UBXN2A: variants seen among roughly 807,000 people sequenced by gnomAD.
UBXN2A encodes the protein UBX domain-containing protein 2A.
A neutral mutation model predicts 28.4 loss-of-function variants in UBXN2A; 28 were observed. The ratio of observed to expected loss-of-function variants is 0.99; its 90% CI spans 0.73 to 1.35. The LOEUF is 1.35. Among genes scored for constraint, UBXN2A ranks in the 40% most tolerant of loss-of-function variants. The pLI is 0.00. For missense variants in UBXN2A, 253 were observed against 297.9 expected (o/e 0.85, Z 1.11); for synonymous variants, 97 against 103.6 (o/e 0.94, Z 0.39).
At chr2:23,960,512 TCA>T (rs1706854207) in intron 2 of UBXN2A, among the ~76,000 whole-genome samples, 1 of 152,196 alleles carries the variant, frequency 6.6e-6, no homozygotes, top group Admixed American at 6.5e-5. Flanking sequence ...TTTAGTACAT[TCA>T]CAGATTTTTG....
At chr2:23,979,210 A>G (rs1419253272) in intron 4 of UBXN2A, among the ~76,000 whole-genome samples, 1 of 150,624 alleles carries the variant, frequency 6.6e-6, no homozygotes, top group Non-Finnish European at 1.5e-5. Context: ...CGGGCATGGT[A>G]GCAGGCGCCT....
At chr2:23,938,072 G>A (rs1705581945), upstream of UBXN2A, among the ~76,000 whole-genome samples, 1 of 152,148 alleles carries the variant, frequency 6.6e-6, no homozygotes, top group African/African-American at 2.4e-5. Flanking sequence ...TGGACCGAAA[G>A]GTTGTTATGT....
At position 24,001,973 on chromosome 2, in the gene UBXN2A, T is replaced by C. The variant is rs1166142372; in HGVS notation, c.*2106T>C. On this transcript the variant is annotated 3_prime_UTR_variant, in exon 7 of 7. Transcript: ENST00000309033. Reference sequence around the variant, plus strand: ...AGACTCTTTCTCAAAAAAAAAAAATTATTCATTTAAAAATAACTTCTGGCT... The same window carrying C: ...AGACTCTTTCTCAAAAAAAAAAAATCATTCATTTAAAAATAACTTCTGGCT... 6.7e-6 allele frequency: 1 copy of C among 150,282 alleles called. No individual in the cohort carries two copies. The highest frequency in any genetic ancestry group is 1.5e-5 in the Non-Finnish European group (1 of 67,662). 9.3% of individuals were successfully genotyped at this position (150,282 alleles called of 1,614,324 possible).
chr2:23,953,696 A>G (rs772307895), intron 1 of UBXN2A, among the ~76,000 whole-genome samples: 3 of 152,170 alleles, frequency 2.0e-5, no homozygotes, highest in South Asian at 2.1e-4. Context: ...TTTCTCCCTC[A>G]TAATATATGT....
chr2:23,936,344 G>A (rs1428375056), upstream of UBXN2A, among the ~76,000 whole-genome samples: 6 of 151,722 alleles, frequency 4.0e-5, no homozygotes, highest in Admixed American at 1.3e-4. Context: ...GAAATAAGCC[G>A]GACAAAAAAG....
In UBXN2A at chr2:24,003,711, A is replaced by G. The variant is rs1299133426; in HGVS notation, c.*3844A>G. Reference sequence around the variant, plus strand: ...AGAGCCTCTCTGTAGTGAAACAAAAATAATGTTCTTACCAAAAAAAAAAAA... The same window carrying G: ...AGAGCCTCTCTGTAGTGAAACAAAAGTAATGTTCTTACCAAAAAAAAAAAA... On this transcript the variant is annotated 3_prime_UTR_variant, in exon 7 of 7. Coordinates refer to ENST00000309033, the MANE Select transcript of UBXN2A (RefSeq NM_181713.4). The G allele has an allele frequency of 2.2e-5, 3 of 134,698 alleles. No homozygotes were observed. The East Asian group carries it at 7.1e-4, about 32-fold the overall frequency. 8.3% of individuals were successfully genotyped at this position (134,698 alleles called of 1,614,324 possible). A position where few individuals can be genotyped will look rare whatever the true frequency, so the allele number is the denominator to read the frequency against.
chr2:23,958,180 C>CT, intron 1 of UBXN2A, 121 bp from the exon 2 acceptor site: 1 of 571,846 alleles, frequency 1.7e-6, no homozygotes, highest in East Asian at 3.1e-5. Flanking sequence ...AAAATGACAG[C>CT]TTTGAGTTTG....
At chr2:23,936,562 A>C (rs1705535083), upstream of UBXN2A, among the ~76,000 whole-genome samples, 2 of 151,748 alleles carry the variant, frequency 1.3e-5, no homozygotes, top group South Asian at 2.1e-4. Flanking sequence ...AAAAAGAGAG[A>C]AAGAAAGTAG....
rs1438638819 is a variant in UBXN2A, at chr2:23,984,693, C to T, written c.446C>T (p.Ser149Phe). 1 of 1,537,530 alleles carries T rather than the reference C, an allele frequency of 6.5e-7. No individual in the cohort carries two copies. Among genetic ancestry groups the T allele is most frequent in the East Asian group, 2.4e-5 (1 of 40,976 alleles). The change falls in exon 6 of 7, where the codon TCT becomes TTT. Residue 149 changes from serine (S) to phenylalanine (F), a missense_variant. Transcript: ENST00000309033. ...RLGSATPKIV[S>F]KAKNIEVENK... ...CTTAGTGCCACACCAAAAATTGTTT[C>T]TAAAGCAAAGAATATTGAAGTTGAA...
chr2:23,962,041 C>T (rs911965664), intron 2 of UBXN2A, among the ~76,000 whole-genome samples: 3 of 152,064 alleles, frequency 2.0e-5, no homozygotes, highest in African/African-American at 4.8e-5. Context: ...GATGGGGTTT[C>T]ACCATGTTGT....
In UBXN2A at chr2:24,000,797, T is replaced by G. The variant is rs577667636; in HGVS notation, c.*930T>G. ...CTCACATTTCTACACTTTATAAAAA[T>G]GTAATAAAAGAAAATTATCTTTCTA... is the stretch of plus-strand genomic sequence containing the variant. On this transcript the variant is annotated 3_prime_UTR_variant, in exon 7 of 7. Coordinates refer to ENST00000309033, the MANE Select transcript of UBXN2A (RefSeq NM_181713.4). 6.6e-6 allele frequency: 1 copy of G among 152,278 alleles called. No individual in the cohort carries two copies. The highest frequency in any genetic ancestry group is 2.1e-4 in the South Asian group (1 of 4,822). 9.4% of individuals were successfully genotyped at this position (152,278 alleles called of 1,614,324 possible). A position where few individuals can be genotyped will look rare whatever the true frequency, so the allele number is the denominator to read the frequency against.
At chr2:23,934,580 T>C (rs909308916) in intron 1 of UBXN2A, among the ~76,000 whole-genome samples, 14 of 152,166 alleles carry the variant, frequency 9.2e-5, no homozygotes, top group African/African-American at 3.4e-4. Context: ...TCTATGTGAA[T>C]TCAAAAAGCA....
chr2:23,949,081 C>T (rs1706232828), intron 1 of UBXN2A, among the ~76,000 whole-genome samples: 1 of 150,482 alleles, frequency 6.6e-6, no homozygotes, highest in South Asian at 2.1e-4. Flanking sequence ...GCTGGGACTA[C>T]AGGCGTGTGC....
At chr2:23,982,226 G>T (rs1030437738) in intron 4 of UBXN2A, among the ~76,000 whole-genome samples, 4 of 151,672 alleles carry the variant, frequency 2.6e-5, no homozygotes, top group Non-Finnish European at 4.4e-5. Flanking sequence ...AATTAACTGG[G>T]CGTGGTGGCA....
chr2:23,933,502 A>G (rs1705438029), intron 1 of UBXN2A, among the ~76,000 whole-genome samples: 1 of 151,962 alleles, frequency 6.6e-6, no homozygotes, highest in Non-Finnish European at 1.5e-5. Flanking sequence ...GCAAAACTCT[A>G]TCTCAAATAA....
intron 6 of UBXN2A, among the ~76,000 whole-genome samples, chr2:23,990,067 T>C (rs1241066073): frequency 6.6e-6 from 1 of 152,130 alleles, no homozygotes; most frequent in East Asian, 1.9e-4. Context: ...CTACCCCACA[T>C]GTAAGCCTTC....
intron 2 of UBXN2A, among the ~76,000 whole-genome samples, chr2:23,966,338 G>A (rs184604612): frequency 1.3e-5 from 2 of 151,842 alleles, no homozygotes; most frequent in East Asian, 1.9e-4. Context: ...GGGTTTCACC[G>A]TGTTGGCCAG....
At position 23,982,985 on chromosome 2, in the gene UBXN2A, C is replaced by T. The variant is rs368914847; in HGVS notation, c.377C>T (p.Thr126Met). The T allele has an allele frequency of 1.3e-5, 21 of 1,611,342 alleles. No individual in the cohort carries two copies. The Middle Eastern group carries it at 9.9e-4, about 76-fold the overall frequency. Reference protein sequence around the residue: ...EDKKNEICLSTKPVFQPFSGQ... With the variant: ...EDKKNEICLSMKPVFQPFSGQ... ...AAGAAAAATGAAATATGTTTGTCTA[C>T]GAAGCCTGTGTTCCAGCCCTTTTCA... Residue 126 changes from threonine (T) to methionine (M), a missense_variant, in exon 5 of 7, where the codon ACG becomes ATG. Physicochemically the swap from Thr to Met is moderately conservative, Grantham distance 81. Transcript: ENST00000309033.
intron 1 of UBXN2A, among the ~76,000 whole-genome samples, chr2:23,929,856 C>T (rs1573514968): frequency 6.6e-6 from 1 of 152,158 alleles, no homozygotes; most frequent in Non-Finnish European, 1.5e-5. Context: ...GCCAAGTTAC[C>T]ATAACCTATA....
Sources: gnomAD v4.1 joint callset for allele counts (sites outside exome capture counted in the v4.1 genomes callset) on GRCh38, gnomAD v4.1.1 for gene constraint, MANE v1.5 for transcripts, NCBI Gene and HGNC (gene_info 2026-07-23, HGNC 2026-07-21) for gene names.